Variants in CMTM3 observed in about 807,000 individuals in gnomAD.
CMTM3 encodes the protein CKLF-like MARVEL transmembrane domain-containing protein 3.
In CMTM3, 7 loss-of-function variants were observed where a neutral mutation model predicts 18.2. That is an observed-to-expected ratio of 0.38 (90% CI 0.22 to 0.72). The LOEUF (loss-of-function observed/expected upper bound fraction) is 0.72, where lower values mean the gene tolerates loss of function less well. Ranked by LOEUF, CMTM3 falls within the 30% of genes least tolerant of loss-of-function variation. The pLI is 0.46. For missense variants in CMTM3, 227 were observed against 249.2 expected, an observed-to-expected ratio of 0.91 and a Z score of 0.60; for synonymous variants, 109 against 111.2, an observed-to-expected ratio of 0.98 and a Z score of 0.12.
At position 66,609,624 on chromosome 16, in the gene CMTM3, C is replaced by A; in HGVS notation, c.399+94C>A. On this transcript the variant is annotated intron_variant, in intron 3 of 4. Transcript: ENST00000567572. This position sits in a 1 kb window ranked among gnomAD's most constrained non-coding sequence, Gnocchi z 4.4. ...GGGGCAGAGCCTTTCCCTGCTGGGG[C>A]CCCCCTGGGGTCTCATGTGGGTCCC... The A allele has an allele frequency of 1.3e-6, 2 of 1,510,454 alleles. No homozygotes were observed. The highest frequency in any genetic ancestry group is 9.0e-7 in the Non-Finnish European group (1 of 1,116,558). The allele number at this position is 1,510,454 out of a possible 1,614,324, so 93.6% of individuals were successfully genotyped here.
At position 66,605,113 on chromosome 16, in the gene CMTM3, G is replaced by T. The variant is rs1473248341; in HGVS notation, c.147+161G>T. Among the ~76,000 whole-genome samples, 1 of 152,156 alleles carries T rather than the reference G, an allele frequency of 6.6e-6. No individual in the cohort carries two copies. The highest frequency in any genetic ancestry group is 2.4e-5 in the African/African-American group (1 of 41,454). ...TCTCTCGGGCGCCTGGCGAAGTTGG[G>T]TCGAGGTCCCCAAACTTTGGACGGC... is the stretch of plus-strand genomic sequence containing the variant. On this transcript the variant is annotated intron_variant, in intron 1 of 4. Coordinates refer to ENST00000567572, the MANE Select transcript of CMTM3 (RefSeq NM_181553.4). The surrounding 1 kb of genome is among the most constrained non-coding windows in gnomAD (Gnocchi z 4.6).
Position 66,605,547 on chromosome 16 carries a change from GCCCGCA to G in CMTM3, c.147+597_147+602del, listed in dbSNP as rs2015115040. Reference sequence around the variant, plus strand: ...TCTTTGTCCTCTGGACACCGGAGGCGCCCGCACTGTCCGCTGTGGGGTAGGGGTGGC... The same window carrying G: ...TCTTTGTCCTCTGGACACCGGAGGCGCTGTCCGCTGTGGGGTAGGGGTGGC... On this transcript the variant is annotated intron_variant, in intron 1 of 4. Transcript: ENST00000567572. This position sits in a 1 kb window ranked among gnomAD's most constrained non-coding sequence, Gnocchi z 4.6. The G allele has an allele frequency of 6.6e-6, 1 of 152,404 alleles. No individual in the cohort carries two copies. Among genetic ancestry groups the G allele is most frequent in the Admixed American group, 6.5e-5 (1 of 15,290 alleles). The allele number at this position is 152,404 out of a possible 1,614,324, so 9.4% of individuals were successfully genotyped here.
In CMTM3 at chr16:66,612,486, G is replaced by C. The variant is rs142157932; in HGVS notation, c.521-123G>C. 8,014 of 956,976 alleles carry C rather than the reference G, an allele frequency of 8.4e-3. 54 individuals are homozygous for C. The highest frequency in any genetic ancestry group is 0.01 in the Admixed American group (442 of 44,012). 59.3% of individuals were successfully genotyped at this position (956,976 alleles called of 1,614,324 possible). ...GCCAGCGATCACTGGGAACGGTAGA[G>C]TCAGCTGCAGGAGGCCTGCACCCAG... is the stretch of plus-strand genomic sequence containing the variant. On this transcript the variant is annotated intron_variant, in intron 4 of 4. Coordinates refer to ENST00000567572, the MANE Select transcript of CMTM3 (RefSeq NM_181553.4). The surrounding 1 kb of genome is among the most constrained non-coding windows in gnomAD (Gnocchi z 6.0).
rs551933442 is a variant in CMTM3 at position 66,612,391 on chromosome 16, A to C, written c.521-218A>C. Among the ~76,000 whole-genome samples the C allele has an allele frequency of 6.6e-6, 1 of 152,052 alleles. No individual in the cohort carries two copies. Among genetic ancestry groups the C allele is most frequent in the South Asian group, 2.1e-4 (1 of 4,814 alleles). ...TCTGTCTCAAAGACAAAAAACAACA[A>C]CAAAAAAAAAAGAGAGAGAGAAAGT... On this transcript the variant is annotated intron_variant, in intron 4 of 4. Transcript: ENST00000567572. This position sits in a 1 kb window ranked among gnomAD's most constrained non-coding sequence, Gnocchi z 6.0.
At position 66,609,211 on chromosome 16, in the gene CMTM3, C is replaced by T. The variant is rs1383035113; in HGVS notation, c.304-224C>T. 6.6e-6 allele frequency among the ~76,000 whole-genome samples: 1 copy of T among 152,236 alleles called. No individual in the cohort carries two copies. The highest frequency in any genetic ancestry group is 1.5e-5 in the Non-Finnish European group (1 of 68,028). The stretch of plus-strand genomic sequence containing the variant: ...ACAGTTTTTTGCCCAGAGCTTAGGA[C>T]AGCAGCCCCGCTGGACCCGGGATAG... On this transcript the variant is annotated intron_variant, in intron 2 of 4. Transcript: ENST00000567572. This position sits in a 1 kb window ranked among gnomAD's most constrained non-coding sequence, Gnocchi z 4.4.
chr16:66,604,704 A>T lies in CMTM3; in HGVS notation c.-102A>T. 6.6e-6 allele frequency: 6 copies of T among 908,636 alleles called. No individual in the cohort carries two copies. Among genetic ancestry groups the T allele is most frequent in the Non-Finnish European group, 8.5e-6 (6 of 703,898 alleles). The allele number at this position is 908,636 out of a possible 1,614,324, so 56.3% of individuals were successfully genotyped here. Reference sequence around the variant, plus strand: ...CGGGGGATGCGCCCCTGCGCGAGCCAGTGTCGCCTGCCCTCCTTCCGCACA... The same window carrying T: ...CGGGGGATGCGCCCCTGCGCGAGCCTGTGTCGCCTGCCCTCCTTCCGCACA... On this transcript the variant is annotated 5_prime_UTR_variant, in exon 1 of 5. Coordinates refer to ENST00000567572, the MANE Select transcript of CMTM3 (RefSeq NM_181553.4).
upstream of CMTM3, chr16:66,604,661 C>A: frequency 2.4e-6 from 1 of 412,116 alleles, no homozygotes; most frequent in Non-Finnish European, 3.1e-6. Context: ...CGGGTGGGGG[C>A]GGGGCGGGGC....
rs762022648 is a variant in CMTM3 at position 66,609,790 on chromosome 16, C to G, written c.400-93C>G. 1 of 1,612,780 alleles carries G rather than the reference C, an allele frequency of 6.2e-7. No individual in the cohort carries two copies. The highest frequency in any genetic ancestry group is 2.2e-5 in the East Asian group (1 of 44,824). ...GTGCCTGACACTCGGGCTGTTTGTC[C>G]AAGCAGATCTGAAATGGGCCGTGAG... On this transcript the variant is annotated intron_variant, in intron 3 of 4. Coordinates refer to ENST00000567572, the MANE Select transcript of CMTM3 (RefSeq NM_181553.4). The surrounding 1 kb of genome is among the most constrained non-coding windows in gnomAD (Gnocchi z 4.4).
Position 66,612,578 on chromosome 16 carries a change from C to T in CMTM3, c.521-31C>T. The T allele has an allele frequency of 6.2e-7, 1 of 1,613,360 alleles. No homozygotes were observed. The highest frequency in any genetic ancestry group is 8.5e-7 in the Non-Finnish European group (1 of 1,179,600). On this transcript the variant is annotated intron_variant, in intron 4 of 4. Coordinates refer to ENST00000567572, the MANE Select transcript of CMTM3 (RefSeq NM_181553.4). The surrounding 1 kb of genome is among the most constrained non-coding windows in gnomAD (Gnocchi z 6.0). ...CCCAGGCACCGCTGCCCTGAGCCTCCTGCCAAGCATCCTCTCTGCTTTCCT... is the reference window on the plus strand; with the variant it reads ...CCCAGGCACCGCTGCCCTGAGCCTCTTGCCAAGCATCCTCTCTGCTTTCCT...
At chr16:66,606,361 AGGGCCAGAGCT>A (rs2015154022) in intron 1 of CMTM3, among the ~76,000 whole-genome samples, 1 of 152,106 alleles carries the variant, frequency 6.6e-6, no homozygotes, top group South Asian at 2.1e-4. Flanking sequence ...CAGGAAGGGG[AGGGCCAGAGCT>A]GGGTCAGTCC....
At chr16:66,604,997 C>T in intron 1 of CMTM3, 45 bp downstream of exon 1, 1 of 1,415,464 alleles carries the variant, frequency 7.1e-7, no homozygotes, top group South Asian at 1.5e-5. Flanking sequence ...GACTGCGCGG[C>T]TCCTTTCGGA....
chr16:66,609,173 C>T lies in CMTM3; in HGVS notation c.304-262C>T, dbSNP rs2015273937. On this transcript the variant is annotated intron_variant, in intron 2 of 4. Coordinates refer to ENST00000567572, the MANE Select transcript of CMTM3 (RefSeq NM_181553.4). This position sits in a 1 kb window ranked among gnomAD's most constrained non-coding sequence, Gnocchi z 4.4. ...TTCCACCGCATCGCAGGGCAGGCTG[C>T]ACCCTGATCCACACAGTTTTTTGCC... Among the ~76,000 whole-genome samples, 1 of 152,220 alleles carries T rather than the reference C, an allele frequency of 6.6e-6. No homozygotes were observed. The highest frequency in any genetic ancestry group is 2.4e-5 in the African/African-American group (1 of 41,464).
chr16:66,604,692 C>A, upstream of CMTM3: 1 of 825,652 alleles, frequency 1.2e-6, no homozygotes, highest in Non-Finnish European at 1.6e-6. Flanking sequence ...GGGATGCGCC[C>A]CTGCGCGAGC....
chr16:66,605,658 G>C lies in CMTM3; in HGVS notation c.147+706G>C, dbSNP rs1347730733. The C allele has an allele frequency of 6.5e-6, 1 of 153,410 alleles. No homozygotes were observed. Among genetic ancestry groups the C allele is most frequent in the Non-Finnish European group, 1.4e-5 (1 of 68,984 alleles). The allele number at this position is 153,410 out of a possible 1,614,324, so 9.5% of individuals were successfully genotyped here. ...GGAGGAGAGAGCGGCGCACGGCGGC[G>C]GCCACTTGTTGCTTAGATCCCAGGA... is the stretch of plus-strand genomic sequence containing the variant. On this transcript the variant is annotated intron_variant, in intron 1 of 4. Transcript: ENST00000567572. This position sits in a 1 kb window ranked among gnomAD's most constrained non-coding sequence, Gnocchi z 4.6.
Position 66,609,324 on chromosome 16 carries a change from G to T in CMTM3, c.304-111G>T. The T allele has an allele frequency of 1.1e-6, 1 of 881,286 alleles. No individual in the cohort carries two copies. The highest frequency in any genetic ancestry group is 1.8e-6 in the Non-Finnish European group (1 of 564,794). The allele number at this position is 881,286 out of a possible 1,614,324, so 54.6% of individuals were successfully genotyped here. A position where few individuals can be genotyped will look rare whatever the true frequency, so the allele number is the denominator to read the frequency against. On this transcript the variant is annotated intron_variant, in intron 2 of 4. Coordinates refer to ENST00000567572, the MANE Select transcript of CMTM3 (RefSeq NM_181553.4). This position sits in a 1 kb window ranked among gnomAD's most constrained non-coding sequence, Gnocchi z 4.4. ...TGTGGGTGGGGCCAGGATGGGATAG[G>T]AGCCCTCAGGTGCTAGGCCTGGGGC...
At position 66,608,958 on chromosome 16, in the gene CMTM3, T is replaced by C. The variant is rs747233634; in HGVS notation, c.304-477T>C. ...AGGCTCAACTTGAACCCTTGTCTCT[T>C]GACTTCATATCCAGCATCTGCTGCC... is the stretch of plus-strand genomic sequence containing the variant. On this transcript the variant is annotated intron_variant, in intron 2 of 4. Coordinates refer to ENST00000567572, the MANE Select transcript of CMTM3 (RefSeq NM_181553.4). The surrounding 1 kb of genome is among the most constrained non-coding windows in gnomAD (Gnocchi z 5.1). 6.6e-6 allele frequency among the ~76,000 whole-genome samples: 1 copy of C among 152,090 alleles called. No homozygotes were observed. The highest frequency in any genetic ancestry group is 1.5e-5 in the Non-Finnish European group (1 of 68,040).
Position 66,613,866 on chromosome 16 carries a change from TAC to T in CMTM3, c.*1232_*1233del, listed in dbSNP as rs1405559859. On this transcript the variant is annotated 3_prime_UTR_variant, in exon 5 of 5. Coordinates refer to ENST00000567572, the MANE Select transcript of CMTM3 (RefSeq NM_181553.4). The stretch of plus-strand genomic sequence containing the variant: ...TGACAGCTTTCAGTTTTAGCAAAAA[TAC>T]ACGTGAAATCTGACTACCATTTAAT... The T allele has an allele frequency of 1.3e-5, 2 of 151,788 alleles. No homozygotes were observed. The highest frequency in any genetic ancestry group is 3.9e-4 in the East Asian group (2 of 5,142). The allele number at this position is 151,788 out of a possible 1,614,324, so 9.4% of individuals were successfully genotyped here. A position where few individuals can be genotyped will look rare whatever the true frequency, so the allele number is the denominator to read the frequency against.
At position 66,604,745 on chromosome 16, in the gene CMTM3, T is replaced by C; in HGVS notation, c.-61T>C. 1 of 1,191,784 alleles carries C rather than the reference T, an allele frequency of 8.4e-7. No individual in the cohort carries two copies. The highest frequency in any genetic ancestry group is 1.0e-6 in the Non-Finnish European group (1 of 956,922). 73.8% of individuals were successfully genotyped at this position (1,191,784 alleles called of 1,614,324 possible). A position where few individuals can be genotyped will look rare whatever the true frequency, so the allele number is the denominator to read the frequency against. ...CTTCCGCACAGCCCGGGTTTCCGCT[T>C]CCCTCCGGGCGCGAGAAGAGGGGAG... On this transcript the variant is annotated 5_prime_UTR_variant, in exon 1 of 5. Transcript: ENST00000567572.
rs1377752613 is a variant in CMTM3, at chr16:66,612,624, C to T, written c.536C>T (p.Ser179Leu). The change falls in exon 5 of 5, where the codon TCG becomes TTG. Residue 179 changes from serine to leucine, a missense_variant. Coordinates refer to ENST00000567572, the MANE Select transcript of CMTM3 (RefSeq NM_181553.4). This position sits in a 1 kb window ranked among gnomAD's most constrained non-coding sequence, Gnocchi z 6.0. ...TTCCTTTCAGAAGAGAATTCCGACT[C>T]GGACTCTGACTGAAGGCCTGGCGGG... ...AHKTEEENSD[S>L]DSD 22 of 1,614,086 alleles carry T rather than the reference C, an allele frequency of 1.4e-5. No homozygotes were observed. The highest frequency in any genetic ancestry group is 4.5e-5 in the East Asian group (2 of 44,872).
Sources: gnomAD v4.1 joint callset for allele counts (sites outside exome capture counted in the v4.1 genomes callset) on GRCh38, gnomAD v4.1.1 for gene constraint, Gnocchi (gnomAD v3.1) non-coding constraint, MANE v1.5 for transcripts, NCBI Gene and HGNC (gene_info 2026-07-23, HGNC 2026-07-21) for gene names.